RXRG: variants seen among roughly 807,000 people sequenced by gnomAD.
RXRG encodes retinoic acid receptor RXR-gamma.
A neutral mutation model predicts 49.2 loss-of-function variants in RXRG; 19 were observed. That is an observed-to-expected ratio of 0.39 (90% CI 0.27 to 0.57). The LOEUF (loss-of-function observed/expected upper bound fraction) is 0.57. Among genes scored for constraint, RXRG ranks in the 20% least tolerant of loss-of-function variants. RXRG has a pLI of 0.64. For missense variants in RXRG, 452 were observed against 592.5 expected (o/e 0.76, Z 2.46); for synonymous variants, 224 against 216.6 (o/e 1.03, Z -0.30).
chr1:165,427,142 G>A (rs987933870), intron 2 of RXRG, among the ~76,000 whole-genome samples: 35 of 152,278 alleles, frequency 2.3e-4, no homozygotes, highest in African/African-American at 7.0e-4. Flanking sequence ...ATGTTTAACC[G>A]AATATGAGGG....
chr1:165,416,955 G>A, intron 4 of RXRG, 86 bp downstream of exon 4: 7 of 1,310,234 alleles, frequency 5.3e-6, no homozygotes, highest in Non-Finnish European at 7.4e-6. Context: ...TGGGCACCAT[G>A]ACTTCTCGTG....
At chr1:165,425,953 A>G (rs1207742842) in intron 2 of RXRG, among the ~76,000 whole-genome samples, 1 of 152,250 alleles carries the variant, frequency 6.6e-6, no homozygotes, top group Non-Finnish European at 1.5e-5. Flanking sequence ...ATATCACAGC[A>G]TTAGGCAAAT....
At chr1:165,413,304 T>C (rs1255062811) in intron 4 of RXRG, among the ~76,000 whole-genome samples, 1 of 152,180 alleles carries the variant, frequency 6.6e-6, no homozygotes. Flanking sequence ...TTTTAACCAT[T>C]CATCCAACAC....
chr1:165,407,951 T>C (rs1287845165), intron 8 of RXRG, among the ~76,000 whole-genome samples: 3 of 152,066 alleles, frequency 2.0e-5, no homozygotes, highest in Non-Finnish European at 4.4e-5. Flanking sequence ...TATCTAGAAA[T>C]ATATCCAGAA....
intron 4 of RXRG, among the ~76,000 whole-genome samples, chr1:165,412,479 C>T (rs1657985920): frequency 6.6e-6 from 1 of 152,136 alleles, no homozygotes; most frequent in South Asian, 2.1e-4. Context: ...AACTTTTTCA[C>T]ATATAACTCT....
intron 1 of RXRG, 72 bp from the exon 2 acceptor site, chr1:165,429,038 G>C: frequency 6.6e-7 from 1 of 1,507,556 alleles, no homozygotes; most frequent in Non-Finnish European, 8.9e-7. Flanking sequence ...CAGAGGCCTA[G>C]CCCCACCTTT....
At chr1:165,437,646 T>G (rs936791417) in intron 1 of RXRG, among the ~76,000 whole-genome samples, 1 of 152,112 alleles carries the variant, frequency 6.6e-6, no homozygotes, top group Non-Finnish European at 1.5e-5. Context: ...ATAATTGATG[T>G]TCAAGGACTT....
chr1:165,441,464 CTG>C (rs1659001491), intron 1 of RXRG, among the ~76,000 whole-genome samples: 1 of 152,178 alleles, frequency 6.6e-6, no homozygotes, highest in African/African-American at 2.4e-5. Context: ...CAATCCCTGG[CTG>C]TGCCATTTTC....
In RXRG at chr1:165,406,841, G is replaced by C; in HGVS notation, c.1215C>G (p.Thr405=). ...CTGGCTGTTCCGGATACTTCTGCTT[G>C]GTGTAGGCCTCAAGGGTGGCATAAA... ...EKVYATLEAY[T]KQKYPEQPGR... is the part of the protein sequence containing the mutation. Residue 405 remains threonine, a synonymous_variant, in exon 9 of 10, where the codon ACC becomes ACG. Transcript: ENST00000359842. 2 of 1,613,842 alleles carry C rather than the reference G, an allele frequency of 1.2e-6. No individual in the cohort carries two copies. Among genetic ancestry groups the C allele is most frequent in the Admixed American group, 1.7e-5 (1 of 60,018 alleles).
At chr1:165,431,128 T>G (rs888870823) in intron 1 of RXRG, among the ~76,000 whole-genome samples, 6 of 152,244 alleles carry the variant, frequency 3.9e-5, no homozygotes, top group African/African-American at 1.4e-4. Flanking sequence ...TACCTGGCAC[T>G]GCCCAGGTAG....
intron 9 of RXRG, among the ~76,000 whole-genome samples, chr1:165,404,146 T>G (rs546541723): frequency 3.3e-5 from 5 of 152,210 alleles, no homozygotes; most frequent in Non-Finnish European, 7.3e-5. Flanking sequence ...AACCAGGTTC[T>G]GCGGACCAGA....
At position 165,418,969 on chromosome 1, in the gene RXRG, G is replaced by A. The variant is rs536893998; in HGVS notation, c.442+901C>T. Among the ~76,000 whole-genome samples the A allele has an allele frequency of 2.2e-4, 33 of 152,318 alleles. No individual in the cohort carries two copies. In the South Asian group the frequency reaches 6.6e-3, roughly 31 times the overall value. On this transcript the variant is annotated intron_variant, in intron 3 of 9. Coordinates refer to ENST00000359842, the MANE Select transcript of RXRG (RefSeq NM_006917.5). ...AGTGACATTCTTTAGTGGCTTTGGT[G>A]GCATTAAGAGTATAAGGAAATATTC...
chr1:165,436,833 G>T, intron 1 of RXRG: 1 of 825,360 alleles, frequency 1.2e-6, no homozygotes. Flanking sequence ...ACCAGATGGG[G>T]ACAGAAGTGG....
At chr1:165,434,280 A>ATGTGTGTGTGTGTGTG (rs57708987) in intron 1 of RXRG, among the ~76,000 whole-genome samples, 1,394 of 131,074 alleles carry the variant, frequency 0.011, 9 homozygotes, top group Non-Finnish European at 0.015. Flanking sequence ...GCATGTGTGT[A>ATGTGTGTGTGTGTGTG]TGTGTGTGTG....
At chr1:165,432,763 G>T (rs1216511469) in intron 1 of RXRG, among the ~76,000 whole-genome samples, 6 of 152,182 alleles carry the variant, frequency 3.9e-5, no homozygotes. Context: ...AAGTAGGCAG[G>T]CTCCTGTTTG....
chr1:165,403,679 G>A (rs181879591), intron 9 of RXRG, among the ~76,000 whole-genome samples: 80 of 152,318 alleles, frequency 5.3e-4, no homozygotes, highest in African/African-American at 1.9e-3. Flanking sequence ...CCGTGCCTCT[G>A]CCGTTAAGCT....
intron 3 of RXRG, among the ~76,000 whole-genome samples, chr1:165,418,055 G>A (rs569995930): frequency 1.3e-4 from 18 of 138,814 alleles, no homozygotes; most frequent in African/African-American, 4.6e-4. Context: ...AGGTTGCAGT[G>A]AGCCAAGATC....
chr1:165,424,566 G>T (rs968640434), intron 2 of RXRG, among the ~76,000 whole-genome samples: 2 of 152,188 alleles, frequency 1.3e-5, no homozygotes, highest in African/African-American at 4.8e-5. Flanking sequence ...GTTTGCAAAA[G>T]ATTACACAAT....
Position 165,410,941 on chromosome 1 carries a change from G to C in RXRG, c.783+8C>G, listed in dbSNP as rs2101710939. ...ATGGAACACACATGTGTGTCTAAGA[G>C]CACATACCGAGTTCTCCATATTCAT... On this transcript the variant is annotated splice_region_variant and intron_variant, in intron 5 of 9. Coordinates refer to ENST00000359842, the MANE Select transcript of RXRG (RefSeq NM_006917.5). 1 of 1,613,968 alleles carries C rather than the reference G, an allele frequency of 6.2e-7. No individual in the cohort carries two copies. Among genetic ancestry groups the C allele is most frequent in the East Asian group, 2.2e-5 (1 of 44,880 alleles).
Sources: gnomAD v4.1 joint callset for allele counts (sites outside exome capture counted in the v4.1 genomes callset) on GRCh38, gnomAD v4.1.1 for gene constraint, MANE v1.5 for transcripts, NCBI Gene and HGNC (gene_info 2026-07-23, HGNC 2026-07-21) for gene names.